Variants in SP4 observed in about 807,000 individuals in gnomAD.
SP4 encodes Sp4 transcription factor.
Under a neutral mutation model 72.8 loss-of-function variants are expected in SP4, and 19 were observed. That is an observed-to-expected ratio of 0.26 (90% CI 0.18 to 0.38). SP4 has a LOEUF of 0.38. Ranked by LOEUF, SP4 falls within the 10% of genes least tolerant of loss-of-function variation. The probability of loss-of-function intolerance (pLI) is 1.00; values close to 1 mark genes in which losing one functional copy is unlikely to be tolerated. For synonymous variants in SP4, 395 were observed against 333.1 expected, an observed-to-expected ratio of 1.19 and a Z score of -2.02; for missense variants, 1,008 against 926.3, an observed-to-expected ratio of 1.09 and a Z score of -1.14.
intron 3 of SP4, among the ~76,000 whole-genome samples, chr7:21,437,944 G>A (rs997357875): frequency 6.6e-6 from 1 of 151,194 alleles, no homozygotes; most frequent in Non-Finnish European, 1.5e-5. Context: ...ATCAAAGAAC[G>A]GAGTTTTATC....
chr7:21,510,806 A>G (rs1782121603), intron 5 of SP4, among the ~76,000 whole-genome samples: 1 of 152,224 alleles, frequency 6.6e-6, no homozygotes, highest in Admixed American at 6.5e-5. Flanking sequence ...AGTTCATAGC[A>G]GAAGCAGGAC....
chr7:21,449,250 T>C (rs962409670), intron 3 of SP4, among the ~76,000 whole-genome samples: 1 of 152,220 alleles, frequency 6.6e-6, no homozygotes, highest in African/African-American at 2.4e-5. Context: ...CAATAAAGGA[T>C]CTCGCCAACA....
chr7:21,434,363 T>A (rs1386083363), intron 3 of SP4, among the ~76,000 whole-genome samples: 3 of 152,180 alleles, frequency 2.0e-5, no homozygotes, highest in Non-Finnish European at 4.4e-5. Context: ...AAACCAGTAC[T>A]TGAAGCTGGG....
chr7:21,478,223 T>G (rs1368150724), intron 4 of SP4, among the ~76,000 whole-genome samples: 1 of 152,222 alleles, frequency 6.6e-6, no homozygotes, highest in Non-Finnish European at 1.5e-5. Flanking sequence ...ACAAATAATA[T>G]TCCACTCTAT....
intron 4 of SP4, 60 bp downstream of exon 4, chr7:21,477,367 A>G: frequency 9.5e-7 from 1 of 1,050,070 alleles, no homozygotes; most frequent in South Asian, 1.4e-5. Context: ...AGTTAAAACC[A>G]AGTAATTGGC....
rs149050689 is a variant in SP4 at position 21,484,079 on chromosome 7, C to G, written c.2107+1956C>G. On this transcript the variant is annotated intron_variant, in intron 5 of 5. Coordinates refer to ENST00000222584, the MANE Select transcript of SP4 (RefSeq NM_003112.5). ...CCATTTTAAGATTAGAAAGTAGTAT[C>G]AGAAAAGAAAAAATTATGAAATCTA... is the stretch of plus-strand genomic sequence containing the variant. Among the ~76,000 whole-genome samples the G allele has an allele frequency of 9.1e-4, 138 of 151,586 alleles. No homozygotes were observed. In the East Asian group the frequency reaches 0.024, roughly 27 times the overall value.
rs116206687 is a variant in SP4, at chr7:21,432,950, C to T, written c.1678+2107C>T. On this transcript the variant is annotated intron_variant, in intron 3 of 5. Coordinates refer to ENST00000222584, the MANE Select transcript of SP4 (RefSeq NM_003112.5). ...TCCAGGCTGCGGTGAGCTGTGATTGCCTCACTGCACTCCCACCTGAGTGAC... is the reference window on the plus strand; with the variant it reads ...TCCAGGCTGCGGTGAGCTGTGATTGTCTCACTGCACTCCCACCTGAGTGAC... Among the ~76,000 whole-genome samples, 1,411 of 152,266 alleles carry T rather than the reference C, an allele frequency of 9.3e-3. 26 individuals are homozygous for T. The highest frequency in any genetic ancestry group is 0.032 in the African/African-American group (1,322 of 41,538).
intron 3 of SP4, among the ~76,000 whole-genome samples, chr7:21,434,173 C>T (rs1782969697): frequency 1.3e-5 from 2 of 151,994 alleles, no homozygotes; most frequent in Non-Finnish European, 2.9e-5. Flanking sequence ...AAATTTTGCT[C>T]GAAATTTTTA....
intron 3 of SP4, among the ~76,000 whole-genome samples, chr7:21,432,919 G>A (rs1297072493): frequency 6.6e-6 from 1 of 152,122 alleles, no homozygotes; most frequent in African/African-American, 2.4e-5. Flanking sequence ...GCTTGTACCC[G>A]GGGGATCCAG....
chr7:21,456,287 A>G (rs140872575), intron 3 of SP4, among the ~76,000 whole-genome samples: 280 of 152,340 alleles, frequency 1.8e-3, no homozygotes, highest in African/African-American at 6.4e-3. Flanking sequence ...GCAGGCAGGC[A>G]AACTGCTTCA....
rs1782147391 is a variant in SP4, at chr7:21,511,789, G to A, written c.*520G>A. 1 of 154,718 alleles carries A rather than the reference G, an allele frequency of 6.5e-6. No individual in the cohort carries two copies. The highest frequency in any genetic ancestry group is 2.0e-4 in the South Asian group (1 of 5,006). The allele number at this position is 154,718 out of a possible 1,614,324, so 9.6% of individuals were successfully genotyped here. On this transcript the variant is annotated 3_prime_UTR_variant, in exon 6 of 6. Coordinates refer to ENST00000222584, the MANE Select transcript of SP4 (RefSeq NM_003112.5). ...AATAGTTTGGCCGTCTTTTCTAAAT[G>A]TTAGAAATTCTTCAACAGTTGAATT...
chr7:21,500,801 A>G (rs1781844140), intron 5 of SP4, among the ~76,000 whole-genome samples: 1 of 152,180 alleles, frequency 6.6e-6, no homozygotes, highest in South Asian at 2.1e-4. Context: ...GCACTACTGG[A>G]TAATTCAGAA....
intron 3 of SP4, among the ~76,000 whole-genome samples, chr7:21,450,681 T>G (rs1783562216): frequency 6.6e-6 from 1 of 152,178 alleles, no homozygotes; most frequent in African/African-American, 2.4e-5. Flanking sequence ...AGGATATAAC[T>G]TAGTAAGGAA....
At position 21,489,203 on chromosome 7, in the gene SP4, G is replaced by T. The variant is rs533692936; in HGVS notation, c.2107+7080G>T. Among the ~76,000 whole-genome samples, 17 of 152,286 alleles carry T rather than the reference G, an allele frequency of 1.1e-4. No individual in the cohort carries two copies. In the South Asian group the frequency reaches 3.3e-3, roughly 30 times the overall value. ...AATAATTATAAGCTTAAGTGGAAAT[G>T]AAACAGATTCTGTAAAATTCATTTG... On this transcript the variant is annotated intron_variant, in intron 5 of 5. Transcript: ENST00000222584.
intron 3 of SP4, among the ~76,000 whole-genome samples, chr7:21,464,792 T>G (rs369446944): frequency 5.9e-5 from 9 of 152,306 alleles, no homozygotes; most frequent in African/African-American, 1.9e-4. Flanking sequence ...GAGCCCAATG[T>G]AGAATAAAAG....
intron 5 of SP4, among the ~76,000 whole-genome samples, chr7:21,485,941 T>C (rs116147285): frequency 0.012 from 1,809 of 152,116 alleles, 41 homozygotes; most frequent in African/African-American, 0.041. Context: ...CAAGATCTCG[T>C]GTTTTCATTT....
At chr7:21,463,940 A>G (rs1784080575) in intron 3 of SP4, among the ~76,000 whole-genome samples, 1 of 152,146 alleles carries the variant, frequency 6.6e-6, no homozygotes, top group African/African-American at 2.4e-5. Context: ...GTGTTTCTCT[A>G]GGTCTGACTG....
At chr7:21,492,770 C>T (rs1444989731) in intron 5 of SP4, among the ~76,000 whole-genome samples, 1 of 152,162 alleles carries the variant, frequency 6.6e-6, no homozygotes, top group Non-Finnish European at 1.5e-5. Flanking sequence ...GCTGTATACT[C>T]TGGATAAAGA....
intron 3 of SP4, among the ~76,000 whole-genome samples, chr7:21,441,937 C>T (rs1271259159): frequency 6.6e-6 from 1 of 151,830 alleles, no homozygotes; most frequent in Non-Finnish European, 1.5e-5. Flanking sequence ...GGGAGACACA[C>T]TGTACTTCTC....
Sources: gnomAD v4.1 joint callset for allele counts (sites outside exome capture counted in the v4.1 genomes callset) on GRCh38, gnomAD v4.1.1 for gene constraint, MANE v1.5 for transcripts, NCBI Gene and HGNC (gene_info 2026-07-23, HGNC 2026-07-21) for gene names.